The following ARHGEF19 variants were observed in gnomAD, a reference collection of about 807,000 sequenced individuals.
ARHGEF19 encodes the protein Rho guanine nucleotide exchange factor (GEF) 19.
In ARHGEF19, 92 loss-of-function variants were observed where a neutral mutation model predicts 87.6. That is an observed-to-expected ratio of 1.05 (90% confidence interval 0.89 to 1.25). ARHGEF19 has a LOEUF of 1.25. ARHGEF19 is among the 50% of genes most tolerant of loss of function. The pLI, the probability that ARHGEF19 is intolerant of heterozygous loss-of-function variation, is 0.00. For synonymous variants in ARHGEF19, 438 were observed against 446.2 expected (o/e 0.98, Z 0.23); for missense variants, 1,054 against 1,051.8 (o/e 1.00, Z -0.03).
intron 12 of ARHGEF19, among the ~76,000 whole-genome samples, chr1:16,204,386 G>T (rs950862043): frequency 6.6e-6 from 1 of 152,168 alleles, no homozygotes; most frequent in African/African-American, 2.4e-5. Flanking sequence ...GGATTAAAGG[G>T]AATAATCCAC....
Position 16,204,925 on chromosome 1 carries a change from G to A in ARHGEF19, c.1747-6C>T. The A allele has an allele frequency of 6.3e-7, 1 of 1,596,960 alleles. No homozygotes were observed. On this transcript the variant is annotated splice_region_variant and splice_polypyrimidine_tract_variant and intron_variant, in intron 11 of 15. Transcript: ENST00000270747. ...TGAGAGATCAGCGGGAAAATCTAGA[G>A]GGATGGAGAAGGATGGGTCAGGCCC... is the stretch of plus-strand genomic sequence containing the variant.
intron 1 of ARHGEF19, among the ~76,000 whole-genome samples, chr1:16,210,040 C>T (rs2081185166): frequency 6.6e-6 from 1 of 152,270 alleles, no homozygotes; most frequent in African/African-American, 2.4e-5. Context: ...CCTGGGGAGC[C>T]AGCCCTCCGA....
rs2100276915 is a variant in ARHGEF19, at chr1:16,205,899, G to A, written c.1451+32C>T. 1 of 1,579,090 alleles carries A rather than the reference G, an allele frequency of 6.3e-7. No individual in the cohort carries two copies. Among genetic ancestry groups the A allele is most frequent in the African/African-American group, 1.3e-5 (1 of 74,394 alleles). ...TACACCTGCCTGAGACTCCCTCCAC[G>A]CCCCCGCCCCTTTCAGAGCCCCCAG... On this transcript the variant is annotated intron_variant, in intron 8 of 15. Coordinates refer to ENST00000270747, the MANE Select transcript of ARHGEF19 (RefSeq NM_153213.5). The surrounding 1 kb of genome is among the most constrained non-coding windows in gnomAD (Gnocchi z 5.8).
rs150020187 is a variant in ARHGEF19 at position 16,208,583 on chromosome 1, C to G, written c.412+60G>C. ...GGGACATAAAGGTTAAGGAGCTGCCCAGCCCCTCCCCTATCCCCCTGCCAT... is the reference window on the plus strand; with the variant it reads ...GGGACATAAAGGTTAAGGAGCTGCCGAGCCCCTCCCCTATCCCCCTGCCAT... On this transcript the variant is annotated intron_variant, in intron 2 of 15. Coordinates refer to ENST00000270747, the MANE Select transcript of ARHGEF19 (RefSeq NM_153213.5). The G allele has an allele frequency of 7.6e-5, 116 of 1,516,414 alleles. No homozygotes were observed. In the African/African-American group the frequency reaches 1.4e-3, roughly 19 times the overall value. The allele number at this position is 1,516,414 out of a possible 1,614,324, so 93.9% of individuals were successfully genotyped here. A position where few individuals can be genotyped will look rare whatever the true frequency, so the allele number is the denominator to read the frequency against.
intron 1 of ARHGEF19, 116 bp from the exon 2 acceptor site, chr1:16,209,199 A>G (rs1324028006): frequency 4.3e-5 from 27 of 629,798 alleles, no homozygotes; most frequent in Non-Finnish European, 6.4e-5. Flanking sequence ...CATCTCCACA[A>G]ACACACTCAC....
Position 16,206,689 on chromosome 1 carries a change from T to C in ARHGEF19, c.1137+259A>G, listed in dbSNP as rs2081139326. 6 of 506,564 alleles carry C rather than the reference T, an allele frequency of 1.2e-5. No individual in the cohort carries two copies. The South Asian group carries it at 1.4e-4, about 12-fold the overall frequency. The allele number at this position is 506,564 out of a possible 1,614,324, so 31.4% of individuals were successfully genotyped here. On this transcript the variant is annotated intron_variant, in intron 6 of 15. Coordinates refer to ENST00000270747, the MANE Select transcript of ARHGEF19 (RefSeq NM_153213.5). The surrounding 1 kb of genome is among the most constrained non-coding windows in gnomAD (Gnocchi z 4.6). Reference sequence around the variant, plus strand: ...CCGCTCCTCATCCGGCCCTGTCCTATCCTAGGTTTCGTCCCGCTGGCTCCG... The same window carrying C: ...CCGCTCCTCATCCGGCCCTGTCCTACCCTAGGTTTCGTCCCGCTGGCTCCG...
Position 16,208,763 on chromosome 1 carries a change from T to G in ARHGEF19, c.292A>C (p.Arg98=), listed in dbSNP as rs759870543. Residue 98 remains arginine (R), a synonymous_variant, in exon 2 of 16, where the codon AGG becomes CGG. Transcript: ENST00000270747. ...GGACAGTGTGGCCAGCTGCCAGCCCTGCTGGGCCGCATCCCCCCGCTGGTG... is the reference window on the plus strand; with the variant it reads ...GGACAGTGTGGCCAGCTGCCAGCCCGGCTGGGCCGCATCCCCCCGCTGGTG... ...EITSGGMRPS[R]AGSWPHCPGA... The G allele has an allele frequency of 3.7e-6, 6 of 1,612,838 alleles. No individual in the cohort carries two copies. In the South Asian group the frequency reaches 6.6e-5, roughly 18 times the overall value.
Position 16,206,845 on chromosome 1 carries a change from C to G in ARHGEF19, c.1137+103G>C. 7.5e-7 allele frequency: 1 copy of G among 1,329,208 alleles called. No homozygotes were observed. The highest frequency in any genetic ancestry group is 1.7e-5 in the South Asian group (1 of 58,472). 82.3% of individuals were successfully genotyped at this position (1,329,208 alleles called of 1,614,324 possible). A position where few individuals can be genotyped will look rare whatever the true frequency, so the allele number is the denominator to read the frequency against. The stretch of plus-strand genomic sequence containing the variant: ...GCGCGGACAGTCGCGCCAGCAACCC[C>G]CTTTGTGTGTCCCCCTCCCTCTATG... On this transcript the variant is annotated intron_variant, in intron 6 of 15. Coordinates refer to ENST00000270747, the MANE Select transcript of ARHGEF19 (RefSeq NM_153213.5). The surrounding 1 kb of genome is among the most constrained non-coding windows in gnomAD (Gnocchi z 4.6).
chr1:16,207,784 A>G lies in ARHGEF19; in HGVS notation c.695-7T>C. 2.5e-6 allele frequency: 4 copies of G among 1,613,278 alleles called. No homozygotes were observed. Among genetic ancestry groups the G allele is most frequent in the Non-Finnish European group, 3.4e-6 (4 of 1,179,944 alleles). ...TCCATTCCAGATGCTTTCCCTGGAG[A>G]GGGCGAGAACTGAGGGTGGGGGGTC... On this transcript the variant is annotated splice_region_variant and splice_polypyrimidine_tract_variant and intron_variant, in intron 3 of 15. Coordinates refer to ENST00000270747, the MANE Select transcript of ARHGEF19 (RefSeq NM_153213.5). The surrounding 1 kb of genome is among the most constrained non-coding windows in gnomAD (Gnocchi z 4.0).
At position 16,198,071 on chromosome 1, in the gene ARHGEF19, G is replaced by T. The variant is rs1002107504; in HGVS notation, c.*516C>A. The T allele has an allele frequency of 6.6e-6, 1 of 152,322 alleles. No individual in the cohort carries two copies. Among genetic ancestry groups the T allele is most frequent in the South Asian group, 2.1e-4 (1 of 4,818 alleles). 9.4% of individuals were successfully genotyped at this position (152,322 alleles called of 1,614,324 possible). A position where few individuals can be genotyped will look rare whatever the true frequency, so the allele number is the denominator to read the frequency against. Reference sequence around the variant, plus strand: ...CTGGGAAAATAGGACTGTGGGGGTGGGGGCAGCATCAGATGGATCACAGAC... The same window carrying T: ...CTGGGAAAATAGGACTGTGGGGGTGTGGGCAGCATCAGATGGATCACAGAC... On this transcript the variant is annotated 3_prime_UTR_variant, in exon 16 of 16. Transcript: ENST00000270747. The surrounding 1 kb of genome is among the most constrained non-coding windows in gnomAD (Gnocchi z 4.1).
chr1:16,208,931 G>A lies in ARHGEF19; in HGVS notation c.124C>T (p.Pro42Ser). 1 of 1,583,714 alleles carries A rather than the reference G, an allele frequency of 6.3e-7. No homozygotes were observed. The highest frequency in any genetic ancestry group is 8.6e-7 in the Non-Finnish European group (1 of 1,166,408). The change falls in exon 2 of 16, where the codon CCC (proline) becomes TCC (serine). Residue 42 changes from proline (P) to serine (S), a missense_variant. Transcript: ENST00000270747. The stretch of plus-strand genomic sequence containing the variant: ...AGGTCCAGACACACTGGGCTCGGGG[G>A]CTTCAGGGCGGGCAGCTCTGCAAAG... ...LSFAELPALKPPSPVCLDLFP... is the reference protein window; with the variant it reads ...LSFAELPALKSPSPVCLDLFP...
chr1:16,209,144 AC>A, intron 1 of ARHGEF19, 61 bp from the exon 2 acceptor site: 2 of 1,308,876 alleles, frequency 1.5e-6, no homozygotes. Flanking sequence ...GTAAGCCACC[AC>A]CCCTGGAGGC....
chr1:16,204,493 G>A (rs2081107101), intron 12 of ARHGEF19, among the ~76,000 whole-genome samples: 1 of 152,234 alleles, frequency 6.6e-6, no homozygotes, highest in African/African-American at 2.4e-5. Context: ...TATGCTCTTA[G>A]TCTCTGCTCT....
In ARHGEF19 at chr1:16,198,749, G is replaced by A. The variant is rs1455648858; in HGVS notation, c.2252-5C>T. Reference sequence around the variant, plus strand: ...GGCGGACCCCTTCCAGCCAGCCTAGGGACACATAGGCCAAGAACAACAGCA... The same window carrying A: ...GGCGGACCCCTTCCAGCCAGCCTAGAGACACATAGGCCAAGAACAACAGCA... On this transcript the variant is annotated splice_region_variant and splice_polypyrimidine_tract_variant and intron_variant, in intron 15 of 15. Transcript: ENST00000270747. This position sits in a 1 kb window ranked among gnomAD's most constrained non-coding sequence, Gnocchi z 4.1. 4 of 1,597,066 alleles carry A rather than the reference G, an allele frequency of 2.5e-6. No homozygotes were observed. The South Asian group carries it at 3.4e-5, about 13-fold the overall frequency.
intron 12 of ARHGEF19, 25 bp from the exon 13 acceptor site, chr1:16,202,599 C>A: frequency 6.2e-7 from 1 of 1,605,002 alleles, no homozygotes; most frequent in Non-Finnish European, 8.5e-7. Flanking sequence ...GAGGGGAGGT[C>A]AGCCTGGCCT....
Position 16,207,012 on chromosome 1 carries a change from A to G in ARHGEF19, c.1073T>C (p.Ile358Thr), listed in dbSNP as rs769627926. 9.3e-5 allele frequency: 141 copies of G among 1,516,652 alleles called. No homozygotes were observed. The highest frequency in any genetic ancestry group is 1.1e-4 in the Non-Finnish European group (125 of 1,135,232). The allele number at this position is 1,516,652 out of a possible 1,614,324, so 93.9% of individuals were successfully genotyped here. A position where few individuals can be genotyped will look rare whatever the true frequency, so the allele number is the denominator to read the frequency against. The change falls in exon 6 of 16, where the codon ATC (isoleucine) becomes ACC (threonine). Residue 358 changes from isoleucine (I) to threonine (T), a missense_variant. By Grantham distance (89) the Ile-to-Thr change is moderately conservative. Coordinates refer to ENST00000270747, the MANE Select transcript of ARHGEF19 (RefSeq NM_153213.5). This position sits in a 1 kb window ranked among gnomAD's most constrained non-coding sequence, Gnocchi z 4.0. ...RGSTFSLWQDIPDVRGSGVLA... is the reference protein window; with the variant it reads ...RGSTFSLWQDTPDVRGSGVLA... Reference sequence around the variant, plus strand: ...GACGCCGCTGCCGCGTACGTCGGGGATATCCTGCCACAGCGAGAAGGTGGA... The same window carrying G: ...GACGCCGCTGCCGCGTACGTCGGGGGTATCCTGCCACAGCGAGAAGGTGGA...
intron 14 of ARHGEF19, among the ~76,000 whole-genome samples, chr1:16,200,030 G>C (rs1187447960): frequency 6.6e-6 from 1 of 152,168 alleles, no homozygotes; most frequent in Non-Finnish European, 1.5e-5. Context: ...TCCTTCAGGG[G>C]TCAGATGTTA....
chr1:16,207,132 C>A lies in ARHGEF19; in HGVS notation c.953G>T (p.Gly318Val). ...RRQQREEEGP[G>V]DEAEGAEEGP... ...CTCCTCTGCGCCCTCGGCCTCGTCC[C>A]CCGGGCCCTCCTCCTCGCGCTGCTG... Residue 318 changes from glycine to valine, a missense_variant, in exon 6 of 16, where the codon GGG becomes GTG. Coordinates refer to ENST00000270747, the MANE Select transcript of ARHGEF19 (RefSeq NM_153213.5). This position sits in a 1 kb window ranked among gnomAD's most constrained non-coding sequence, Gnocchi z 4.0. The A allele has an allele frequency of 6.6e-7, 1 of 1,526,124 alleles. No individual in the cohort carries two copies. The highest frequency in any genetic ancestry group is 8.8e-7 in the Non-Finnish European group (1 of 1,140,310). 94.5% of individuals were successfully genotyped at this position (1,526,124 alleles called of 1,614,324 possible).
At position 16,208,220 on chromosome 1, in the gene ARHGEF19, T is replaced by G. The variant is rs770114190; in HGVS notation, c.418A>C (p.Lys140Gln). The G allele has an allele frequency of 1.2e-6, 2 of 1,612,270 alleles. No individual in the cohort carries two copies. The highest frequency in any genetic ancestry group is 3.3e-5 in the Admixed American group (2 of 59,998). ...HGSEKKSAWR[K>Q]MRVYQREEVP... is the part of the protein sequence containing the mutation. Reference sequence around the variant, plus strand: ...TCTTCACGCTGGTACACCCGCATCTTGCGCCCTAGGGTTGGGGGCAAGGAG... The same window carrying G: ...TCTTCACGCTGGTACACCCGCATCTGGCGCCCTAGGGTTGGGGGCAAGGAG... Residue 140 changes from lysine to glutamine, a missense_variant, in exon 3 of 16, where the codon AAG becomes CAG. By Grantham distance (53) the Lys-to-Gln change is moderately conservative. Transcript: ENST00000270747.
Sources: allele counts gnomAD v4.1 joint callset (sites outside exome capture counted in the v4.1 genomes callset), GRCh38; gene constraint gnomAD v4.1.1; non-coding constraint Gnocchi (gnomAD v3.1); transcripts MANE v1.5; gene names NCBI Gene and HGNC (gene_info 2026-07-23, HGNC 2026-07-21).